CYGB: variants seen among roughly 807,000 people sequenced by gnomAD.
CYGB encodes histoglobin.
CYGB carries 13 observed loss-of-function variants against 20.7 expected under a neutral mutation model. The observed-to-expected ratio is 0.63, with a 90% CI of 0.41 to 1.00. The LOEUF (loss-of-function observed/expected upper bound fraction) is 1.00, where lower values mean the gene tolerates loss of function less well. Ranked by LOEUF, CYGB falls within the 50% of genes least tolerant of loss-of-function variation. The pLI, the probability that CYGB is intolerant of heterozygous loss-of-function variation, is 0.00. For synonymous variants in CYGB, 93 were observed against 107.4 expected, an observed-to-expected ratio of 0.87 and a Z score of 0.83; for missense variants, 218 against 257.2, an observed-to-expected ratio of 0.85 and a Z score of 1.04.
upstream of CYGB, chr17:76,538,118 G>C (rs1034287059): frequency 6.5e-6 from 1 of 154,594 alleles, no homozygotes; most frequent in African/African-American, 2.4e-5. Context: ...TCCCGCGGCG[G>C]GGAACTGACT....
rs1480356073 is a variant in CYGB, at chr17:76,528,635, G to A, written c.540-24C>T. 2.4e-6 allele frequency: 3 copies of A among 1,271,516 alleles called. No homozygotes were observed. The highest frequency in any genetic ancestry group is 3.0e-6 in the Non-Finnish European group (3 of 1,000,170). The allele number at this position is 1,271,516 out of a possible 1,614,324, so 78.8% of individuals were successfully genotyped here. A position where few individuals can be genotyped will look rare whatever the true frequency, so the allele number is the denominator to read the frequency against. On this transcript the variant is annotated intron_variant, in intron 3 of 3. Coordinates refer to ENST00000293230, the MANE Select transcript of CYGB (RefSeq NM_134268.5). This position sits in a 1 kb window ranked among gnomAD's most constrained non-coding sequence, Gnocchi z 5.8. Reference sequence around the variant, plus strand: ...GGCTGTGGACGAGATAGGAAGGGAAGGACAAACGTTACCAGAGGCAGGGAA... The same window carrying A: ...GGCTGTGGACGAGATAGGAAGGGAAAGACAAACGTTACCAGAGGCAGGGAA...
In CYGB at chr17:76,533,200, G is replaced by A. The variant is rs1222831151; in HGVS notation, c.144-1509C>T. On this transcript the variant is annotated intron_variant, in intron 1 of 3. Transcript: ENST00000293230. This position sits in a 1 kb window ranked among gnomAD's most constrained non-coding sequence, Gnocchi z 4.5. ...AGACTCAGGAGGGCCCCTCTCAGAG[G>A]CCAACTGTGACCTTGGGCAAACCGC... Among the ~76,000 whole-genome samples, 1 of 152,160 alleles carries A rather than the reference G, an allele frequency of 6.6e-6. No homozygotes were observed. Among genetic ancestry groups the A allele is most frequent in the Non-Finnish European group, 1.5e-5 (1 of 68,020 alleles).
chr17:76,537,711 TGTGTGC>T, upstream of CYGB: 1 of 437,846 alleles, frequency 2.3e-6, no homozygotes, highest in Non-Finnish European at 3.0e-6. Context: ...TGTGTGTGTG[TGTGTGC>T]GTGCGTGTGT....
At chr17:76,535,886 A>T (rs552164849) in intron 1 of CYGB, among the ~76,000 whole-genome samples, 127 of 152,340 alleles carry the variant, frequency 8.3e-4, no homozygotes, top group East Asian at 1.5e-3. Flanking sequence ...CAAAACCTCC[A>T]AGGTCCTGAG....
At position 76,529,000 on chromosome 17, in the gene CYGB, A is replaced by G; in HGVS notation, c.540-389T>C. ...GTCCCTCCTCGGGCCACCCATCTGT[A>G]TTCTCGTATTCTCGGTACACACAGC... On this transcript the variant is annotated intron_variant, in intron 3 of 3. Transcript: ENST00000293230. This position sits in a 1 kb window ranked among gnomAD's most constrained non-coding sequence, Gnocchi z 5.8. 2.0e-6 allele frequency: 2 copies of G among 999,128 alleles called. No homozygotes were observed. The highest frequency in any genetic ancestry group is 2.4e-6 in the Non-Finnish European group (2 of 839,504). 61.9% of individuals were successfully genotyped at this position (999,128 alleles called of 1,614,324 possible).
In CYGB at chr17:76,528,189, G is replaced by GT. The variant is rs2074789511; in HGVS notation, c.*388dup. On this transcript the variant is annotated 3_prime_UTR_variant, in exon 4 of 4. Transcript: ENST00000293230. The surrounding 1 kb of genome is among the most constrained non-coding windows in gnomAD (Gnocchi z 5.8). ...GAATATATCTGTATATATGGTAGATGTGTGCGTGATACTCTAGATGGTGAT... is the reference window on the plus strand; with the variant it reads ...GAATATATCTGTATATATGGTAGATGTTGTGCGTGATACTCTAGATGGTGAT... The GT allele has an allele frequency of 2.5e-6, 1 of 397,670 alleles. No individual in the cohort carries two copies. Among genetic ancestry groups the GT allele is most frequent in the African/African-American group, 2.1e-5 (1 of 48,520 alleles). The allele number at this position is 397,670 out of a possible 1,614,324, so 24.6% of individuals were successfully genotyped here.
At chr17:76,538,053 G>C (rs912088140), upstream of CYGB, 4 of 152,636 alleles carry the variant, frequency 2.6e-5, no homozygotes, top group African/African-American at 9.6e-5. Flanking sequence ...GGCCGGGAGC[G>C]CTGGGTTCCG....
intron 1 of CYGB, chr17:76,544,440 C>T (rs1282464587): frequency 2.2e-6 from 1 of 455,012 alleles, no homozygotes. Flanking sequence ...GTGCACCCCG[C>T]TGGGGAGGGC....
In CYGB at chr17:76,530,993, G is replaced by A. The variant is rs1212450546; in HGVS notation, c.525C>T (p.Val175=). The change falls in exon 3 of 4, where the codon GTC becomes GTT. Residue 175 remains valine, a synonymous_variant. Transcript: ENST00000293230. This position sits in a 1 kb window ranked among gnomAD's most constrained non-coding sequence, Gnocchi z 6.1. Reference sequence around the variant, plus strand: ...CGCCTCCTCACGTGGTGGCGTTGGGGACCTGCTGCACCCAGCCCACTTCCT... The same window carrying A: ...CGCCTCCTCACGTGGTGGCGTTGGGAACCTGCTGCACCCAGCCCACTTCCT... The part of the protein sequence containing the change: ...AYKEVGWVQQ[V]PNATTPPATL... 8.7e-6 allele frequency: 14 copies of A among 1,607,980 alleles called. No individual in the cohort carries two copies. The highest frequency in any genetic ancestry group is 9.3e-6 in the Non-Finnish European group (11 of 1,176,844).
chr17:76,538,400 C>T (rs2074947947), upstream of CYGB: 16 of 407,488 alleles, frequency 3.9e-5, no homozygotes, highest in South Asian at 2.8e-4. Context: ...CCTCGGGCGC[C>T]AGAGGCCTGC....
rs766126048 is a variant in CYGB at position 76,533,490 on chromosome 17, C to T, written c.144-1799G>A. Among the ~76,000 whole-genome samples, 1 of 152,130 alleles carries T rather than the reference C, an allele frequency of 6.6e-6. No individual in the cohort carries two copies. Among genetic ancestry groups the T allele is most frequent in the East Asian group, 1.9e-4 (1 of 5,206 alleles). On this transcript the variant is annotated intron_variant, in intron 1 of 3. Transcript: ENST00000293230. This position sits in a 1 kb window ranked among gnomAD's most constrained non-coding sequence, Gnocchi z 4.5. Reference sequence around the variant, plus strand: ...CTATAATCCTAGCACTTTACGAGGCCGAGGCGGGTGGATTGCTTGAGCTCA... The same window carrying T: ...CTATAATCCTAGCACTTTACGAGGCTGAGGCGGGTGGATTGCTTGAGCTCA...
intron 3 of CYGB, chr17:76,529,449 G>A: frequency 1.0e-6 from 1 of 985,472 alleles, no homozygotes; most frequent in Non-Finnish European, 1.2e-6. Context: ...CTAGGGCAGG[G>A]TGGGGAGGGC....
At chr17:76,535,522 C>A (rs1376546335) in intron 1 of CYGB, among the ~76,000 whole-genome samples, 1 of 152,102 alleles carries the variant, frequency 6.6e-6, no homozygotes. Context: ...GTGGCTGAGA[C>A]AAAGCTGGGC....
chr17:76,540,948 C>G (rs2074985250), upstream of CYGB, among the ~76,000 whole-genome samples: 1 of 152,228 alleles, frequency 6.6e-6, no homozygotes, highest in Non-Finnish European at 1.5e-5. The surrounding 1 kb of genome is among the most constrained non-coding windows in gnomAD (Gnocchi z 5.0). Flanking sequence ...CTGCCCCCGC[C>G]CTGCCTCAGC....
At chr17:76,543,066 T>A (rs762313015) in intron 1 of CYGB, 15 of 471,816 alleles carry the variant, frequency 3.2e-5, no homozygotes, top group African/African-American at 2.6e-4. Flanking sequence ...AGGAGGATGC[T>A]GTGGGAGCTG....
intron 3 of CYGB, chr17:76,529,226 G>C: frequency 3.0e-6 from 3 of 985,428 alleles, no homozygotes; most frequent in Non-Finnish European, 3.6e-6. Flanking sequence ...CAGCAGGGAG[G>C]CTCTGCAGGC....
chr17:76,541,710 C>T (rs1024641571), upstream of CYGB, among the ~76,000 whole-genome samples: 1 of 152,182 alleles, frequency 6.6e-6, no homozygotes, highest in Non-Finnish European at 1.5e-5. Context: ...CTACAATGAC[C>T]ACCCCTGGGC....
At chr17:76,547,929 T>A (rs1436392943) in intron 1 of CYGB, among the ~76,000 whole-genome samples, 1 of 147,680 alleles carries the variant, frequency 6.8e-6, no homozygotes, top group East Asian at 2.0e-4. Context: ...CACATACACA[T>A]ATACAAACAT....
upstream of CYGB, chr17:76,540,614 A>C: frequency 1.9e-6 from 3 of 1,595,762 alleles, no homozygotes; most frequent in Non-Finnish European, 2.6e-6. This position sits in a 1 kb window ranked among gnomAD's most constrained non-coding sequence, Gnocchi z 5.0. Flanking sequence ...GGGTGCTGCC[A>C]AGGAAGCTGT....
Sources: gnomAD v4.1 joint callset for allele counts (sites outside exome capture counted in the v4.1 genomes callset) on GRCh38, gnomAD v4.1.1 for gene constraint, Gnocchi (gnomAD v3.1) non-coding constraint, MANE v1.5 for transcripts, NCBI Gene and HGNC (gene_info 2026-07-23, HGNC 2026-07-21) for gene names.